SHC4: variants seen among roughly 807,000 people sequenced by gnomAD.
The protein encoded by SHC4 is SHC adaptor protein 4.
A neutral mutation model predicts 69.4 loss-of-function variants in SHC4; 41 were observed. The ratio of observed to expected loss-of-function variants is 0.59; its 90% CI spans 0.46 to 0.77. SHC4 has a LOEUF of 0.77. SHC4 is among the 30% of genes least tolerant of loss of function. The probability of loss-of-function intolerance (pLI) is 0.00; values close to 1 mark genes in which losing one functional copy is unlikely to be tolerated. For missense variants in SHC4, 777 were observed against 783.8 expected (o/e 0.99, Z 0.10); for synonymous variants, 318 against 299.3 (o/e 1.06, Z -0.64).
At chr15:48,826,237 G>T in intron 11 of SHC4, 111 bp from the exon 12 acceptor site, 5 of 973,980 alleles carry the variant, frequency 5.1e-6, no homozygotes, top group Non-Finnish European at 7.1e-6. Flanking sequence ...ATACTTTGCT[G>T]AAAAAAGAAA....
chr15:48,958,233 A>G (rs538036359), intron 1 of SHC4, among the ~76,000 whole-genome samples: 4 of 152,354 alleles, frequency 2.6e-5, no homozygotes, highest in South Asian at 2.1e-4. Context: ...GGCTGGTCCT[A>G]TGATGAGGCT....
chr15:48,903,856 C>A (rs775333256), intron 2 of SHC4, among the ~76,000 whole-genome samples: 2 of 152,112 alleles, frequency 1.3e-5, no homozygotes, highest in Non-Finnish European at 2.9e-5. Context: ...GCCTCAAACT[C>A]CTGAGCTCAA....
At chr15:48,922,836 T>C (rs1170871739) in intron 2 of SHC4, among the ~76,000 whole-genome samples, 2 of 149,332 alleles carry the variant, frequency 1.3e-5, no homozygotes, top group South Asian at 2.2e-4. Context: ...CCCTGAAATA[T>C]GTCCATCAAA....
intron 8 of SHC4, among the ~76,000 whole-genome samples, chr15:48,854,519 T>C (rs1410486498): frequency 5.9e-5 from 9 of 152,232 alleles, no homozygotes. Flanking sequence ...CATGCATTTC[T>C]ATGTTCATCG....
intron 7 of SHC4, among the ~76,000 whole-genome samples, chr15:48,856,681 T>C (rs1899322438): frequency 1.3e-5 from 2 of 151,616 alleles, no homozygotes; most frequent in South Asian, 4.2e-4. Context: ...TGGGTAGATT[T>C]ATATAAACAT....
intron 10 of SHC4, among the ~76,000 whole-genome samples, chr15:48,837,528 AATAATT>A (rs1898920972): frequency 1.3e-5 from 2 of 152,176 alleles, no homozygotes; most frequent in Admixed American, 6.5e-5. Context: ...CTTTGACAAT[AATAATT>A]ATAATCTAAA....
chr15:48,952,207 T>C (rs1901375960), intron 1 of SHC4, among the ~76,000 whole-genome samples: 1 of 152,178 alleles, frequency 6.6e-6, no homozygotes. Context: ...TCCCAATAAA[T>C]GATTCATATA....
At chr15:48,960,203 C>A (rs1352882332) in intron 1 of SHC4, among the ~76,000 whole-genome samples, 1 of 152,130 alleles carries the variant, frequency 6.6e-6, no homozygotes, top group Non-Finnish European at 1.5e-5. Flanking sequence ...CCAGAGGAGG[C>A]ACTCCCTAGG....
In SHC4 at chr15:48,827,577, T is replaced by C. The variant is rs375333663; in HGVS notation, c.1738-1451A>G. On this transcript the variant is annotated intron_variant, in intron 11 of 11. Transcript: ENST00000332408. The stretch of plus-strand genomic sequence containing the variant: ...TCTGCCTCAGGCTGTCACTACTTTT[T>C]ACCTAGAAGCCTCTAATTACTCTCT... 1.4e-3 allele frequency among the ~76,000 whole-genome samples: 214 copies of C among 152,314 alleles called. 1 individual carries two copies. The highest frequency in any genetic ancestry group is 2.6e-3 in the Non-Finnish European group (179 of 68,024).
intron 2 of SHC4, among the ~76,000 whole-genome samples, chr15:48,904,636 G>T (rs565004311): frequency 6.6e-6 from 1 of 152,220 alleles, no homozygotes; most frequent in South Asian, 2.1e-4. Flanking sequence ...CCAGCACTTT[G>T]GGAGGCTAAG....
In SHC4 at chr15:48,962,985, C is replaced by T; in HGVS notation, c.31G>A (p.Gly11Arg). ...AAGAGTCCTACATACAGCACGAGTC[C>T]TGCCAGGCTGTCCTGGCCGCGTTCT... MRERGQDSLA[G>R]LVLYVGLFGH... The change falls in exon 1 of 12, where the codon GGA becomes AGA. Residue 11 changes from glycine to arginine, a missense_variant. Physicochemically the swap from Gly to Arg is moderately radical, Grantham distance 125. Transcript: ENST00000332408. 1.2e-6 allele frequency: 2 copies of T among 1,611,090 alleles called. No individual in the cohort carries two copies. Among genetic ancestry groups the T allele is most frequent in the Non-Finnish European group, 1.7e-6 (2 of 1,178,718 alleles).
chr15:48,925,321 T>C (rs1485574455), intron 1 of SHC4, among the ~76,000 whole-genome samples: 1 of 152,226 alleles, frequency 6.6e-6, no homozygotes, highest in Non-Finnish European at 1.5e-5. Flanking sequence ...AGTTTTGTCA[T>C]TGGTAAAATG....
rs1365095625 is a variant in SHC4 at position 48,824,439 on chromosome 15, T to C, written c.*1532A>G. 2 of 152,066 alleles carry C rather than the reference T, an allele frequency of 1.3e-5. No homozygotes were observed. Among genetic ancestry groups the C allele is most frequent in the Non-Finnish European group, 1.5e-5 (1 of 67,988 alleles). The allele number at this position is 152,066 out of a possible 1,614,324, so 9.4% of individuals were successfully genotyped here. ...TAAAAAAAAAAACAAAAAACATTTT[T>C]CTTGGAAAGGCAAGAAAAGGACATA... On this transcript the variant is annotated 3_prime_UTR_variant, in exon 12 of 12. Transcript: ENST00000332408.
chr15:48,883,650 T>G (rs1899983062), intron 4 of SHC4, among the ~76,000 whole-genome samples: 1 of 152,216 alleles, frequency 6.6e-6, no homozygotes, highest in South Asian at 2.1e-4. Flanking sequence ...ACGTATCTTC[T>G]ACATTTGCTT....
At chr15:48,891,028 A>G (rs1384213013) in intron 2 of SHC4, among the ~76,000 whole-genome samples, 1 of 152,202 alleles carries the variant, frequency 6.6e-6, no homozygotes, top group Non-Finnish European at 1.5e-5. Context: ...ATTGCTTTAC[A>G]ACAAGGAGCT....
At chr15:48,885,357 AG>A (rs1428266304) in intron 3 of SHC4, among the ~76,000 whole-genome samples, 2 of 152,348 alleles carry the variant, frequency 1.3e-5, no homozygotes, top group Admixed American at 1.3e-4. Flanking sequence ...CCACCTCATA[AG>A]GGCTGTTGTG....
At chr15:48,953,901 G>T (rs1026622944) in intron 1 of SHC4, among the ~76,000 whole-genome samples, 2 of 152,170 alleles carry the variant, frequency 1.3e-5, no homozygotes, top group African/African-American at 4.8e-5. Flanking sequence ...AATATTGTTT[G>T]GGTGGAAAGT....
intron 9 of SHC4, 28 bp from the exon 10 acceptor site, chr15:48,843,616 T>C (rs377225915): frequency 1.9e-6 from 3 of 1,570,786 alleles, no homozygotes; most frequent in Non-Finnish European, 2.6e-6. Flanking sequence ...GATCAATACA[T>C]TATGTTTTTT....
intron 8 of SHC4, among the ~76,000 whole-genome samples, chr15:48,853,361 G>C (rs775418235): frequency 7.9e-5 from 12 of 152,192 alleles, no homozygotes; most frequent in Non-Finnish European, 1.5e-4. Flanking sequence ...AGCATTCCAT[G>C]CTTATGGATT....
Sources: gnomAD v4.1 joint callset for allele counts (sites outside exome capture counted in the v4.1 genomes callset) on GRCh38, gnomAD v4.1.1 for gene constraint, MANE v1.5 for transcripts, NCBI Gene and HGNC (gene_info 2026-07-23, HGNC 2026-07-21) for gene names.